Variants in MROH1 observed in about 807,000 individuals in gnomAD.
The protein encoded by MROH1 is maestro heat-like repeat-containing protein family member 1.
A neutral mutation model predicts 116.5 loss-of-function variants in MROH1; 117 were observed. That is an observed-to-expected ratio of 1.00 (90% CI 0.86 to 1.17). The LOEUF (loss-of-function observed/expected upper bound fraction) is 1.17, where lower values mean the gene tolerates loss of function less well. Ranked by LOEUF, MROH1 falls within the 50% of genes most tolerant of loss-of-function variation. MROH1 has a pLI of 0.00. For synonymous variants in MROH1, 921 were observed against 583.9 expected (o/e 1.58, Z -8.32); for missense variants, 1,873 against 1,338.5 (o/e 1.40, Z -6.23).
chr8:144,168,453 C>A lies in MROH1; in HGVS notation c.168+13C>A. ...GCAGCATGACAAGGTATGTGTGCTC[C>A]TTGGTGGGGATGATGTTGTCAGGGC... is the stretch of plus-strand genomic sequence containing the variant. On this transcript the variant is annotated intron_variant, in intron 4 of 43. Transcript: ENST00000326134. 1 of 1,592,844 alleles carries A rather than the reference C, an allele frequency of 6.3e-7. No individual in the cohort carries two copies. The highest frequency in any genetic ancestry group is 1.7e-5 in the Admixed American group (1 of 57,794).
chr8:144,235,215 C>G (rs1461973205), intron 14 of MROH1, among the ~76,000 whole-genome samples: 1 of 152,110 alleles, frequency 6.6e-6, no homozygotes, highest in Non-Finnish European at 1.5e-5. Flanking sequence ...TCTTTCATAT[C>G]GATCTTGTAT....
intron 14 of MROH1, among the ~76,000 whole-genome samples, chr8:144,238,012 G>T (rs1840338029): frequency 6.6e-6 from 1 of 152,072 alleles, no homozygotes; most frequent in Admixed American, 6.5e-5. Context: ...TTGTTATATT[G>T]AATCTGGCCA....
intron 14 of MROH1, among the ~76,000 whole-genome samples, chr8:144,237,753 T>C (rs1054487097): frequency 1.1e-3 from 171 of 152,340 alleles, no homozygotes; most frequent in African/African-American, 4.0e-3. Flanking sequence ...GGGATTTTCC[T>C]TGTTCTTGGC....
At chr8:144,211,755 G>A (rs1768825553) in intron 12 of MROH1, among the ~76,000 whole-genome samples, 1 of 151,932 alleles carries the variant, frequency 6.6e-6, no homozygotes, top group African/African-American at 2.4e-5. Context: ...AAGAAAGGTA[G>A]GTTCAGCCCT....
chr8:144,241,888 G>A (rs1841054735), intron 22 of MROH1, among the ~76,000 whole-genome samples: 2 of 152,216 alleles, frequency 1.3e-5, no homozygotes, highest in Admixed American at 6.5e-5. Flanking sequence ...GGCCCCTGCT[G>A]CAGGCCCCCA....
chr8:144,233,718 G>A (rs73370495), intron 14 of MROH1, among the ~76,000 whole-genome samples: 111 of 152,312 alleles, frequency 7.3e-4, no homozygotes, highest in African/African-American at 2.6e-3. Flanking sequence ...TGGAGATGGC[G>A]AAGTGCTTAT....
intron 39 of MROH1, 41 bp from the exon 40 acceptor site, chr8:144,260,636 G>A (rs927884720): frequency 6.5e-6 from 5 of 773,786 alleles, no homozygotes; most frequent in South Asian, 5.4e-5. Flanking sequence ...GCCTGCAGGG[G>A]CACAGCCTGT....
At chr8:144,186,824 G>A (rs141006494) in intron 7 of MROH1, among the ~76,000 whole-genome samples, 1,770 of 152,318 alleles carry the variant, frequency 0.012, 24 homozygotes, top group African/African-American at 0.038. Flanking sequence ...CGGGCGCGGT[G>A]GCTCACGCCT....
In MROH1 at chr8:144,261,847, T is replaced by C. The variant is rs1845143902; in HGVS notation, c.*107T>C. ...GCCTGGGCACACGACTGGAGGGGCC[T>C]GGCCCCAGAACAGGCACTGCTGGGG... is the stretch of plus-strand genomic sequence containing the variant. On this transcript the variant is annotated 3_prime_UTR_variant, in exon 44 of 44. Transcript: ENST00000326134. 10 of 695,706 alleles carry C rather than the reference T, an allele frequency of 1.4e-5. No individual in the cohort carries two copies. The highest frequency in any genetic ancestry group is 4.5e-5 in the South Asian group (3 of 66,758). The allele number at this position is 695,706 out of a possible 1,614,324, so 43.1% of individuals were successfully genotyped here.
intron 1 of MROH1, among the ~76,000 whole-genome samples, chr8:144,149,241 C>G (rs2130362336): frequency 6.6e-6 from 1 of 152,292 alleles, no homozygotes; most frequent in Non-Finnish European, 1.5e-5. Context: ...GTGCTGCCGT[C>G]AGCAGGATCT....
At chr8:144,218,693 T>TCCTCCACTCTCC (rs1835876939) in intron 12 of MROH1, among the ~76,000 whole-genome samples, 1 of 15,886 alleles carries the variant, frequency 6.3e-5, no homozygotes, top group Admixed American at 8.8e-4. Context: ...CTCCCCTCTC[T>TCCTCCACTCTCC]CCTCCCCTCT....
intron 10 of MROH1, among the ~76,000 whole-genome samples, chr8:144,195,930 C>T (rs960289995): frequency 1.4e-4 from 22 of 152,206 alleles, no homozygotes; most frequent in Non-Finnish European, 2.6e-4. Flanking sequence ...TTAATTTTTA[C>T]ATTATCATTT....
At chr8:144,174,999 T>C in intron 4 of MROH1, 2 of 985,412 alleles carry the variant, frequency 2.0e-6, no homozygotes, top group Non-Finnish European at 2.4e-6. Flanking sequence ...TGTTTTCCTC[T>C]GGAAAAAAGC....
chr8:144,238,827 C>G lies in MROH1; in HGVS notation c.1410C>G (p.Leu470=). ...DSVRAISVRT[L]YLVSTTVDRM... ...TGCGGGCCATCAGCGTGCGCACCCT[C>G]TACCTGGTCAGCACCACCGTGGACA... Residue 470 remains leucine (L), a synonymous_variant, in exon 15 of 44, where the codon CTC becomes CTG. Coordinates refer to ENST00000326134, the MANE Select transcript of MROH1 (RefSeq NM_032450.3). The G allele has an allele frequency of 1.3e-6, 1 of 775,166 alleles. No homozygotes were observed. The allele number at this position is 775,166 out of a possible 1,614,324, so 48.0% of individuals were successfully genotyped here.
intron 36 of MROH1, 36 bp downstream of exon 36, chr8:144,258,950 G>A: frequency 7.1e-6 from 5 of 705,012 alleles, no homozygotes; most frequent in Non-Finnish European, 1.1e-5. Context: ...TCCAGCACTG[G>A]CTGGGCTCCA....
At chr8:144,234,498 G>GTATTTTTTTTTTTTTTTTTTTTTTTTT (rs1839620475) in intron 14 of MROH1, among the ~76,000 whole-genome samples, 1 of 18,090 alleles carries the variant, frequency 5.5e-5, no homozygotes. Flanking sequence ...TTTCTTTTTC[G>GTATTTTTTTTTTTTTTTTTTTTTTTTT]TTTTTTTTTT....
intron 10 of MROH1, chr8:144,192,725 C>G (rs953977464): frequency 2.0e-5 from 10 of 492,108 alleles, no homozygotes; most frequent in Middle Eastern, 5.4e-4. Context: ...GGAGACTGCC[C>G]TGAGTTTCTG....
At chr8:144,237,302 C>T (rs1840217040) in intron 14 of MROH1, among the ~76,000 whole-genome samples, 1 of 152,206 alleles carries the variant, frequency 6.6e-6, no homozygotes, top group South Asian at 2.1e-4. Flanking sequence ...TGTTGCTGGC[C>T]TTGGTGTTCA....
intron 1 of MROH1, among the ~76,000 whole-genome samples, chr8:144,155,700 C>T (rs1817878227): frequency 6.9e-6 from 1 of 145,326 alleles, no homozygotes; most frequent in Admixed American, 7.1e-5. Flanking sequence ...AATGCACGAT[C>T]TCAGCTCACT....
Sources: allele counts gnomAD v4.1 joint callset (sites outside exome capture counted in the v4.1 genomes callset), GRCh38; gene constraint gnomAD v4.1.1; transcripts MANE v1.5; gene names NCBI Gene and HGNC (gene_info 2026-07-23, HGNC 2026-07-21).